USF2: variants seen among roughly 807,000 people sequenced by gnomAD.
USF2 encodes upstream stimulatory factor 2.
Under a neutral mutation model 46.9 loss-of-function variants are expected in USF2, and 16 were observed. The ratio of observed to expected loss-of-function variants is 0.34; its 90% CI spans 0.23 to 0.52. USF2 has a LOEUF of 0.52. Among genes scored for constraint, USF2 ranks in the 20% least tolerant of loss-of-function variants. The probability of loss-of-function intolerance (pLI) is 0.96; values close to 1 mark genes in which losing one functional copy is unlikely to be tolerated. For synonymous variants in USF2, 239 were observed against 194.1 expected (o/e 1.23, Z -1.92); for missense variants, 411 against 474.0 (o/e 0.87, Z 1.23).
At chr19:35,269,344 C>A in intron 1 of USF2, 102 bp from the exon 2 acceptor site, 1 of 1,023,182 alleles carries the variant, frequency 9.8e-7, no homozygotes, top group Non-Finnish European at 1.2e-6. Context: ...CGCCCCCGGC[C>A]TCAGGCGCGG....
chr19:35,269,291 G>A (rs1453722723), intron 1 of USF2, 128 bp downstream of exon 1: 1 of 891,924 alleles, frequency 1.1e-6, no homozygotes, highest in Non-Finnish European at 1.3e-6. Context: ...GCCGGCGCGG[G>A]GGGGACCTGG....
Position 35,279,553 on chromosome 19 carries a change from G to T in USF2, c.*297G>T. Reference sequence around the variant, plus strand: ...CTGGAGGCAAGAGGGAGGGGACAGAGGCCCTGCCACGTCCCGCTGCCTCCT... The same window carrying T: ...CTGGAGGCAAGAGGGAGGGGACAGATGCCCTGCCACGTCCCGCTGCCTCCT... On this transcript the variant is annotated 3_prime_UTR_variant, in exon 10 of 10. Transcript: ENST00000222305. 2.7e-6 allele frequency: 1 copy of T among 372,436 alleles called. No individual in the cohort carries two copies. Among genetic ancestry groups the T allele is most frequent in the Middle Eastern group, 6.8e-4 (1 of 1,466 alleles). The allele number at this position is 372,436 out of a possible 1,614,324, so 23.1% of individuals were successfully genotyped here.
chr19:35,270,036 G>T, intron 4 of USF2, 33 bp downstream of exon 4: 3 of 1,335,806 alleles, frequency 2.2e-6, no homozygotes, highest in Non-Finnish European at 2.9e-6. Flanking sequence ...GTGGGGGGGG[G>T]AGGGAGTGGA....
chr19:35,279,076 T>TGGGTGCGGGGCCTGGAGCGGGTCA lies in USF2; in HGVS notation c.951+6_951+29dup. The TGGGTGCGGGGCCTGGAGCGGGTCA allele has an allele frequency of 1.2e-6, 2 of 1,607,226 alleles. No individual in the cohort carries two copies. Among genetic ancestry groups the TGGGTGCGGGGCCTGGAGCGGGTCA allele is most frequent in the Non-Finnish European group, 1.7e-6 (2 of 1,176,806 alleles). On this transcript the variant is annotated splice_region_variant and intron_variant, in intron 9 of 9. Coordinates refer to ENST00000222305, the MANE Select transcript of USF2 (RefSeq NM_003367.4). The stretch of plus-strand genomic sequence containing the variant: ...GACAACGAGCTCCTGAGGCAGCAGG[T>TGGGTGCGGGGCCTGGAGCGGGTCA]GGGTGCGGGGCCTGGAGCGGGTCAG...
intron 7 of USF2, chr19:35,275,863 A>G (rs1423112926): frequency 1.3e-5 from 2 of 152,154 alleles, no homozygotes; most frequent in Non-Finnish European, 2.9e-5. Context: ...ATTGACGAGG[A>G]CAGGTGTCTG....
In USF2 at chr19:35,269,118, C is replaced by T; in HGVS notation, c.17C>T (p.Pro6Leu). 1.9e-6 allele frequency: 1 copy of T among 521,022 alleles called. No individual in the cohort carries two copies. The highest frequency in any genetic ancestry group is 2.5e-6 in the Non-Finnish European group (1 of 404,274). The allele number at this position is 521,022 out of a possible 1,614,324, so 32.3% of individuals were successfully genotyped here. ...GCCCCCCCCATGGACATGCTGGACCCGGGTCTGGATCCCGCTGCCTCGGCC... is the reference window on the plus strand; with the variant it reads ...GCCCCCCCCATGGACATGCTGGACCTGGGTCTGGATCCCGCTGCCTCGGCC... MDMLD[P>L]GLDPAASATA... The change falls in exon 1 of 10, where the codon CCG becomes CTG. Residue 6 changes from proline to leucine, a missense_variant. Around this residue, in one of 2 missense-constraint regions of USF2, gnomAD observed 318 missense variants for 322.4 expected, o/e 0.99. Transcript: ENST00000222305.
At position 35,269,466 on chromosome 19, in the gene USF2, C is replaced by A. The variant is rs374238178; in HGVS notation, c.83C>A (p.Ala28Glu). The A allele has an allele frequency of 3.2e-6, 5 of 1,547,432 alleles. No homozygotes were observed. The African/African-American group carries it at 5.7e-5, about 18-fold the overall frequency. The change falls in exon 2 of 10, where the codon GCG becomes GAG. Residue 28 changes from alanine (A) to glutamate (E), a missense_variant. Around this residue, in one of 2 missense-constraint regions of USF2, gnomAD observed 318 missense variants for 322.4 expected, o/e 0.99. Transcript: ENST00000222305. ...AAASHDKGPE[A>E]EEGVELQEGG... ...GGCAGCCACGACAAGGGACCCGAGGCGGAGGAGGGCGTCGAGCTGCAGGAA... is the reference window on the plus strand; with the variant it reads ...GGCAGCCACGACAAGGGACCCGAGGAGGAGGAGGGCGTCGAGCTGCAGGAA...
Position 35,279,742 on chromosome 19 carries a change from A to G in USF2, c.*486A>G, listed in dbSNP as rs10561. ...GTGTGTGTGTGTTTTAATTTTCTTT[A>G]TGGAAAAATTGACAAAAAAAAAATA... On this transcript the variant is annotated 3_prime_UTR_variant, in exon 10 of 10. Transcript: ENST00000222305. 1 of 159,694 alleles carries G rather than the reference A, an allele frequency of 6.3e-6. No homozygotes were observed. The highest frequency in any genetic ancestry group is 1.4e-5 in the Non-Finnish European group (1 of 73,444). 9.9% of individuals were successfully genotyped at this position (159,694 alleles called of 1,614,324 possible). A position where few individuals can be genotyped will look rare whatever the true frequency, so the allele number is the denominator to read the frequency against.
rs147615323 is a variant in USF2 at position 35,271,098 on chromosome 19, C to G, written c.684C>G (p.Thr228=). The G allele has an allele frequency of 1.2e-6, 2 of 1,613,906 alleles. No homozygotes were observed. The highest frequency in any genetic ancestry group is 2.2e-5 in the South Asian group (2 of 91,060). ...THPYSPKIDG[T]RTPRDERRRA... ...CCTCTTGTAGAAAAATTGATGGAAC[C>G]AGAACACCCCGAGATGAGAGGAGAA... Residue 228 remains threonine, a synonymous_variant, in exon 7 of 10, where the codon ACC becomes ACG. Transcript: ENST00000222305.
chr19:35,269,812 C>T lies in USF2; in HGVS notation c.238C>T (p.Arg80Cys). 1 of 1,490,430 alleles carries T rather than the reference C, an allele frequency of 6.7e-7. No individual in the cohort carries two copies. Among genetic ancestry groups the T allele is most frequent in the Non-Finnish European group, 8.9e-7 (1 of 1,124,148 alleles). 92.3% of individuals were successfully genotyped at this position (1,490,430 alleles called of 1,614,324 possible). ...TETNGGQVTYRVVQVTDGQLD... is the reference protein window; with the variant it reads ...TETNGGQVTYCVVQVTDGQLD... ...CTGCCGCCCCCTGCAGGTGACATAC[C>T]GCGTAGTCCAGGTGACTGATGGTCA... Residue 80 changes from arginine (R) to cysteine (C), a missense_variant, in exon 4 of 10, where the codon CGC becomes TGC. By Grantham distance (180) the Arg-to-Cys change is radical (BLOSUM62 -3). Transcript: ENST00000222305.
At chr19:35,271,646 G>A (rs191518299) in intron 7 of USF2, among the ~76,000 whole-genome samples, 90 of 152,322 alleles carry the variant, frequency 5.9e-4, no homozygotes, top group Non-Finnish European at 1.1e-3. Flanking sequence ...GAAACACCAG[G>A]TCTCACCTCA....
intron 7 of USF2, among the ~76,000 whole-genome samples, chr19:35,273,581 G>A (rs1397674433): frequency 6.6e-6 from 1 of 152,080 alleles, no homozygotes; most frequent in Non-Finnish European, 1.5e-5. Flanking sequence ...TTTTGAGAAG[G>A]GGGTCTCACT....
intron 7 of USF2, 105 bp from the exon 8 acceptor site, chr19:35,278,593 C>T (rs2066266235): frequency 1.7e-6 from 2 of 1,190,768 alleles, no homozygotes; most frequent in Non-Finnish European, 2.5e-6. Context: ...TCGGTGGGGC[C>T]TGCACTGTTC....
At chr19:35,269,187 C>T (rs1408584708) in intron 1 of USF2, 24 bp downstream of exon 1, 6 of 990,024 alleles carry the variant, frequency 6.1e-6, no homozygotes, top group East Asian at 2.3e-4. Flanking sequence ...CCCGGCCGTG[C>T]CCCCGCGCCC....
At chr19:35,270,269 C>G in intron 4 of USF2, 178 bp from the exon 5 acceptor site, 1 of 1,007,682 alleles carries the variant, frequency 9.9e-7, no homozygotes, top group Non-Finnish European at 1.4e-6. Context: ...AGCAAGTGAT[C>G]GCTGACCTCC....
chr19:35,273,723 AT>A (rs143712222), intron 7 of USF2, among the ~76,000 whole-genome samples: 1 of 151,430 alleles, frequency 6.6e-6, no homozygotes, highest in East Asian at 1.9e-4. Flanking sequence ...ACATGGGGTA[AT>A]TTTTTTTTAT....
intron 4 of USF2, 152 bp downstream of exon 4, chr19:35,270,155 AC>A: frequency 2.0e-6 from 2 of 1,018,080 alleles, no homozygotes; most frequent in East Asian, 2.9e-5. Flanking sequence ...CCTGTTGTGC[AC>A]CGTGAAACCT....
intron 4 of USF2, 115 bp from the exon 5 acceptor site, chr19:35,270,332 G>C: frequency 7.0e-7 from 1 of 1,431,136 alleles, no homozygotes; most frequent in Non-Finnish European, 9.4e-7. Context: ...CACGCAGAAG[G>C]AGTCCCCACT....
intron 7 of USF2, among the ~76,000 whole-genome samples, chr19:35,272,237 G>A (rs2066167754): frequency 1.3e-5 from 2 of 152,258 alleles, no homozygotes; most frequent in South Asian, 2.1e-4. Flanking sequence ...CTCTCTGTGC[G>A]CGTTCTGGTG....
Sources: allele counts gnomAD v4.1 joint callset (sites outside exome capture counted in the v4.1 genomes callset), GRCh38; gene constraint gnomAD v4.1.1; regional missense constraint gnomAD v4.1.1; transcripts MANE v1.5; gene names NCBI Gene and HGNC (gene_info 2026-07-23, HGNC 2026-07-21).